ROS1: variants seen among roughly 807,000 people sequenced by gnomAD.
ROS1 encodes ROS proto-oncogene 1, receptor tyrosine kinase, also known as proto-oncogene tyrosine-protein kinase ROS.
Under a neutral mutation model 273.5 loss-of-function variants are expected in ROS1, and 263 were observed. The ratio of observed to expected loss-of-function variants is 0.96; its 90% CI spans 0.87 to 1.06. The LOEUF (loss-of-function observed/expected upper bound fraction) is 1.06, where lower values mean the gene tolerates loss of function less well. Ranked by LOEUF, ROS1 falls within the 50% of genes least tolerant of loss-of-function variation. The probability of loss-of-function intolerance (pLI) is 0.00; values close to 1 mark genes in which losing one functional copy is unlikely to be tolerated. For synonymous variants in ROS1, 1,008 were observed against 954.1 expected (o/e 1.06, Z -1.04); for missense variants, 2,833 against 2,751.1 (o/e 1.03, Z -0.67).
intron 23 of ROS1, 45 bp from the exon 24 acceptor site, chr6:117,360,056 C>A: frequency 6.6e-7 from 1 of 1,505,022 alleles, no homozygotes; most frequent in Non-Finnish European, 9.2e-7. Context: ...AGAAAACTGA[C>A]TTTAGCTTAG....
intron 2 of ROS1, among the ~76,000 whole-genome samples, chr6:117,417,298 G>A (rs1024530135): frequency 6.6e-6 from 1 of 152,038 alleles, no homozygotes; most frequent in African/African-American, 2.4e-5. Flanking sequence ...AGTTGTCCAA[G>A]CCTGGAACCA....
chr6:117,304,454 A>G (rs907957121), intron 42 of ROS1, among the ~76,000 whole-genome samples: 2 of 152,232 alleles, frequency 1.3e-5, no homozygotes, highest in Non-Finnish European at 1.5e-5. Flanking sequence ...TATTTCAGTT[A>G]GGAGGTTTTT....
chr6:117,352,560 T>C (rs1233489799), intron 27 of ROS1, among the ~76,000 whole-genome samples: 2 of 152,190 alleles, frequency 1.3e-5, no homozygotes, highest in African/African-American at 4.8e-5. Flanking sequence ...TATTAATACT[T>C]AGTGATTTGA....
chr6:117,328,963 G>A (rs1470768187), intron 33 of ROS1: 5 of 565,920 alleles, frequency 8.8e-6, no homozygotes, highest in Non-Finnish European at 1.4e-5. Flanking sequence ...TATTCACCTT[G>A]CTAAAGCAAA....
Position 117,329,323 on chromosome 6 carries a change from A to G in ROS1, c.5348+6T>C, listed in dbSNP as rs1776882208. On this transcript the variant is annotated splice_donor_region_variant and intron_variant, in intron 33 of 43. Transcript: ENST00000368507. The stretch of plus-strand genomic sequence containing the variant: ...TCATTTACAAGTACTTTGCAAACAC[A>G]CATACCTTATCTCAAGGATATAGTA... 1.5e-6 allele frequency: 2 copies of G among 1,299,396 alleles called. No homozygotes were observed. The highest frequency in any genetic ancestry group is 2.2e-6 in the Non-Finnish European group (2 of 902,058). The allele number at this position is 1,299,396 out of a possible 1,614,324, so 80.5% of individuals were successfully genotyped here. A position where few individuals can be genotyped will look rare whatever the true frequency, so the allele number is the denominator to read the frequency against.
rs1302817636 is a variant in ROS1 at position 117,287,480 on chromosome 6, C to T, written c.*1012G>A. 6.6e-6 allele frequency among the ~76,000 whole-genome samples: 1 copy of T among 152,072 alleles called. No homozygotes were observed. Among genetic ancestry groups the T allele is most frequent in the Non-Finnish European group, 1.5e-5 (1 of 68,020 alleles). The stretch of plus-strand genomic sequence containing the variant: ...TTATACTAGTTAATTTCCATAATAG[C>T]ACACAAGTCAGAGTGATTTTATACA... On this transcript the variant is annotated 3_prime_UTR_variant, in exon 44 of 44. Transcript: ENST00000368507.
intron 13 of ROS1, 69 bp downstream of exon 13, chr6:117,389,281 C>A: frequency 6.6e-7 from 1 of 1,505,538 alleles, no homozygotes; most frequent in Non-Finnish European, 8.9e-7. Flanking sequence ...TGAATCACAA[C>A]GCCAAGCAGT....
chr6:117,421,768 ATCATGTGTAATACTTTTTT>A lies in ROS1; in HGVS notation c.124-3281_124-3263del, dbSNP rs550583013. ...GATTTTTTCTTTAAAAACATTATTT[ATCATGTGTAATACTTTTTT>A]TCCACTTTTTGGCTTTGCAGTTATT... On this transcript the variant is annotated intron_variant, in intron 1 of 43. Transcript: ENST00000368507. Among the ~76,000 whole-genome samples, 9 of 152,150 alleles carry A rather than the reference ATCATGTGTAATACTTTTTT, an allele frequency of 5.9e-5. No individual in the cohort carries two copies. In the East Asian group the frequency reaches 7.7e-4, roughly 13 times the overall value.
chr6:117,294,516 A>G (rs1562243760), intron 43 of ROS1, among the ~76,000 whole-genome samples: 1 of 152,176 alleles, frequency 6.6e-6, no homozygotes, highest in African/African-American at 2.4e-5. Context: ...TTGGCTTGCC[A>G]GTATTTTGTT....
Position 117,418,469 on chromosome 6 carries a change from CT to C in ROS1, c.160del (p.Ser54ValfsTer14). Reference protein sequence around the residue: ...QLDLGTPHNLSEPCIQGCHFW... With the variant: ...QLDLGTPHNLXEPCIQGCHFW... Reference sequence around the variant, plus strand: ...ACTGAAGAAATTACTTACCGGTTCACTCAGATTATGTGGTGTGCCAAGGTCA... The same window carrying C: ...ACTGAAGAAATTACTTACCGGTTCACCAGATTATGTGGTGTGCCAAGGTCA... On this transcript the variant is annotated frameshift_variant, in exon 2 of 44. Transcript: ENST00000368507. LOFTEE classifies it high-confidence loss of function. 11 of 1,596,852 alleles carry C rather than the reference CT, an allele frequency of 6.9e-6. No individual in the cohort carries two copies. The highest frequency in any genetic ancestry group is 8.5e-6 in the Non-Finnish European group (10 of 1,173,760).
chr6:117,309,406 A>C (rs1014576777), intron 41 of ROS1, among the ~76,000 whole-genome samples: 18 of 152,150 alleles, frequency 1.2e-4, no homozygotes, highest in African/African-American at 4.1e-4. Flanking sequence ...ATGCAGACAC[A>C]CCAAAGGGTG....
chr6:117,346,925 C>T (rs1270408744), intron 27 of ROS1, among the ~76,000 whole-genome samples: 3 of 152,128 alleles, frequency 2.0e-5, no homozygotes, highest in Non-Finnish European at 2.9e-5. Context: ...CCAGCCTTCT[C>T]GCAACTAGTG....
At chr6:117,333,508 T>C (rs1777246610) in intron 32 of ROS1, among the ~76,000 whole-genome samples, 1 of 152,160 alleles carries the variant, frequency 6.6e-6, no homozygotes, top group African/African-American at 2.4e-5. Flanking sequence ...GCCAGCATCA[T>C]CCTGATACCA....
chr6:117,369,824 T>C (rs1159475134), intron 18 of ROS1, among the ~76,000 whole-genome samples: 1 of 152,188 alleles, frequency 6.6e-6, no homozygotes, highest in African/African-American at 2.4e-5. Flanking sequence ...ATCAGATTTG[T>C]TGTGTTTATG....
intron 27 of ROS1, among the ~76,000 whole-genome samples, chr6:117,348,148 T>C (rs1331274525): frequency 6.6e-6 from 1 of 152,130 alleles, no homozygotes; most frequent in East Asian, 1.9e-4. Flanking sequence ...CTGAAAGACA[T>C]TGTAGAGATG....
intron 32 of ROS1, among the ~76,000 whole-genome samples, chr6:117,330,878 G>A (rs750975487): frequency 5.3e-5 from 8 of 152,046 alleles, no homozygotes; most frequent in Non-Finnish European, 8.8e-5. Flanking sequence ...ACTCACGAAG[G>A]TGAGAAAGAA....
chr6:117,333,284 A>C (rs1275884009), intron 32 of ROS1, among the ~76,000 whole-genome samples: 1 of 152,020 alleles, frequency 6.6e-6, no homozygotes, highest in Non-Finnish European at 1.5e-5. Context: ...ATACACCAAG[A>C]CTAAACCAGG....
At chr6:117,374,867 A>T (rs1019043931) in intron 18 of ROS1, among the ~76,000 whole-genome samples, 1 of 152,264 alleles carries the variant, frequency 6.6e-6, no homozygotes, top group Non-Finnish European at 1.5e-5. Context: ...GTAAACTAGT[A>T]CAACCACTAT....
At chr6:117,421,275 A>G (rs1358601838) in intron 1 of ROS1, among the ~76,000 whole-genome samples, 1 of 149,864 alleles carries the variant, frequency 6.7e-6, no homozygotes, top group Admixed American at 6.7e-5. Context: ...TATATTTCCA[A>G]TACCTTTTGG....
Sources: allele counts gnomAD v4.1 joint callset (sites outside exome capture counted in the v4.1 genomes callset), GRCh38; gene constraint gnomAD v4.1.1; transcripts MANE v1.5; gene names NCBI Gene and HGNC (gene_info 2026-07-23, HGNC 2026-07-21).